The following LMBRD1 variants were observed in gnomAD, a reference collection of about 807,000 sequenced individuals.
LMBRD1 encodes the protein lysosomal cobalamin transport escort protein LMBD1.
Under a neutral mutation model 74.8 loss-of-function variants are expected in LMBRD1, and 64 were observed. The observed-to-expected ratio is 0.86, with a 90% CI of 0.70 to 1.05. LMBRD1 has a LOEUF of 1.05. Among genes scored for constraint, LMBRD1 ranks in the 50% least tolerant of loss-of-function variants. The pLI is 0.00. For missense variants in LMBRD1, 652 were observed against 645.9 expected (o/e 1.01, Z -0.10); for synonymous variants, 204 against 216.3 (o/e 0.94, Z 0.50).
intron 14 of LMBRD1, among the ~76,000 whole-genome samples, chr6:69,695,841 C>CT (rs70987485): frequency 0.36 from 50,025 of 140,286 alleles, 9,462 homozygotes; most frequent in East Asian, 0.54. Flanking sequence ...AACCTTAGTA[C>CT]TTTTTTTTTT....
intron 7 of LMBRD1, among the ~76,000 whole-genome samples, chr6:69,725,565 C>G (rs746145204): frequency 2.6e-5 from 4 of 151,772 alleles, no homozygotes; most frequent in Non-Finnish European, 5.9e-5. Context: ...GAATAGAGAA[C>G]CCACAAACAA....
At chr6:69,720,790 T>G (rs1361639627) in intron 7 of LMBRD1, among the ~76,000 whole-genome samples, 2 of 152,164 alleles carry the variant, frequency 1.3e-5, no homozygotes, top group Non-Finnish European at 2.9e-5. Context: ...GCAATCACAG[T>G]ACCTGGTTTT....
At chr6:69,771,296 A>G (rs113808241) in intron 3 of LMBRD1, among the ~76,000 whole-genome samples, 1 of 152,182 alleles carries the variant, frequency 6.6e-6, no homozygotes, top group Non-Finnish European at 1.5e-5. Flanking sequence ...TCAGTTCCTC[A>G]CTAGCTGTTG....
intron 7 of LMBRD1, among the ~76,000 whole-genome samples, chr6:69,728,504 A>G (rs1186150280): frequency 1.3e-5 from 2 of 152,074 alleles, no homozygotes; most frequent in East Asian, 3.9e-4. Flanking sequence ...ATCTAGGCCT[A>G]TTTGTCCTCA....
intron 5 of LMBRD1, among the ~76,000 whole-genome samples, chr6:69,747,348 A>G (rs993308273): frequency 2.0e-5 from 3 of 152,220 alleles, no homozygotes; most frequent in Non-Finnish European, 2.9e-5. Flanking sequence ...AACTCTCACC[A>G]GAAACCAAAT....
In LMBRD1 at chr6:69,749,415, G is replaced by T; in HGVS notation, c.406-7C>A. Reference sequence around the variant, plus strand: ...TGAGTGCCGTTTTAATTTGCTAGATGCCAAGGAGAAAAAAGTATAACATTT... The same window carrying T: ...TGAGTGCCGTTTTAATTTGCTAGATTCCAAGGAGAAAAAAGTATAACATTT... On this transcript the variant is annotated splice_polypyrimidine_tract_variant and splice_region_variant and intron_variant, in intron 4 of 15. Coordinates refer to ENST00000649934, the MANE Select transcript of LMBRD1 (RefSeq NM_018368.4). 1 of 1,609,094 alleles carries T rather than the reference G, an allele frequency of 6.2e-7. No individual in the cohort carries two copies. Among genetic ancestry groups the T allele is most frequent in the East Asian group, 2.2e-5 (1 of 44,724 alleles).
intron 3 of LMBRD1, among the ~76,000 whole-genome samples, chr6:69,761,435 C>T (rs6917755): frequency 1.3e-5 from 2 of 152,098 alleles, no homozygotes; most frequent in Non-Finnish European, 2.9e-5. Flanking sequence ...CTTAGTCCTT[C>T]ATAACTTTTT....
chr6:69,770,629 T>TA (rs1200400509), intron 3 of LMBRD1, among the ~76,000 whole-genome samples: 1 of 152,060 alleles, frequency 6.6e-6, no homozygotes, highest in Non-Finnish European at 1.5e-5. Flanking sequence ...ACATAGAAAA[T>TA]AAAAAATTCA....
chr6:69,724,287 G>A (rs1452103667), intron 7 of LMBRD1, among the ~76,000 whole-genome samples: 1 of 148,124 alleles, frequency 6.8e-6, no homozygotes, highest in African/African-American at 2.5e-5. Flanking sequence ...AAATACGGAG[G>A]AGGAGGAAAT....
At chr6:69,722,322 T>C (rs982792498) in intron 7 of LMBRD1, among the ~76,000 whole-genome samples, 3 of 152,072 alleles carry the variant, frequency 2.0e-5, no homozygotes, top group African/African-American at 2.4e-5. Flanking sequence ...AAAAGGATAT[T>C]AATGAGCAAG....
At chr6:69,684,219 A>C (rs1207388596) in intron 14 of LMBRD1, among the ~76,000 whole-genome samples, 4 of 152,074 alleles carry the variant, frequency 2.6e-5, no homozygotes, top group African/African-American at 9.7e-5. Context: ...ACTCAGGAAA[A>C]TAACAATTTA....
At chr6:69,723,393 T>C (rs1766660124) in intron 7 of LMBRD1, among the ~76,000 whole-genome samples, 1 of 152,148 alleles carries the variant, frequency 6.6e-6, no homozygotes, top group African/African-American at 2.4e-5. Context: ...ACATGGATCA[T>C]TCCCAAGGAT....
rs149923417 is a variant in LMBRD1, at chr6:69,738,560, A to G, written c.563-545T>C. ...AGGACAAGCTTGCCTACTTGGCAGA[A>G]AAATAAAAGCAAACACAACGAGAAA... On this transcript the variant is annotated intron_variant, in intron 6 of 15. Coordinates refer to ENST00000649934, the MANE Select transcript of LMBRD1 (RefSeq NM_018368.4). Among the ~76,000 whole-genome samples the G allele has an allele frequency of 4.7e-3, 722 of 152,062 alleles. 8 individuals are homozygous for G. Among genetic ancestry groups the G allele is most frequent in the Middle Eastern group, 0.017 (5 of 294 alleles).
At chr6:69,706,578 T>C (rs999439244) in intron 9 of LMBRD1, among the ~76,000 whole-genome samples, 1 of 152,186 alleles carries the variant, frequency 6.6e-6, no homozygotes, top group Admixed American at 6.6e-5. Context: ...ATTATCTAGA[T>C]GTAAAGTTTA....
At chr6:69,762,733 G>C (rs1021201497) in intron 3 of LMBRD1, among the ~76,000 whole-genome samples, 1 of 152,038 alleles carries the variant, frequency 6.6e-6, no homozygotes, top group Non-Finnish European at 1.5e-5. Flanking sequence ...TCCCATCATG[G>C]GACTGGTGTC....
chr6:69,745,123 C>A (rs541878738), intron 5 of LMBRD1, among the ~76,000 whole-genome samples: 1 of 151,774 alleles, frequency 6.6e-6, no homozygotes, highest in Non-Finnish European at 1.5e-5. Context: ...CGGGAGCCAC[C>A]ATGCCCAGCC....
At chr6:69,767,958 G>A (rs1050811202) in intron 3 of LMBRD1, among the ~76,000 whole-genome samples, 7 of 151,868 alleles carry the variant, frequency 4.6e-5, no homozygotes, top group Middle Eastern at 3.4e-3. Context: ...TGAAATGTCC[G>A]TTGTCTTAAA....
chr6:69,684,954 G>T (rs767914756), intron 14 of LMBRD1, among the ~76,000 whole-genome samples: 6 of 152,100 alleles, frequency 3.9e-5, no homozygotes, highest in Non-Finnish European at 7.4e-5. Context: ...ATTTTAGAAT[G>T]TGGTTCAATT....
At chr6:69,677,088 G>A (rs1765561697) in intron 14 of LMBRD1, among the ~76,000 whole-genome samples, 1 of 152,158 alleles carries the variant, frequency 6.6e-6, no homozygotes, top group Non-Finnish European at 1.5e-5. Context: ...GACACAGGAG[G>A]CTTCAGAAAT....
Sources: gnomAD v4.1 joint callset for allele counts (sites outside exome capture counted in the v4.1 genomes callset) on GRCh38, gnomAD v4.1.1 for gene constraint, MANE v1.5 for transcripts, NCBI Gene and HGNC (gene_info 2026-07-23, HGNC 2026-07-21) for gene names.